Variants in NXF3 observed in about 807,000 individuals in gnomAD.
NXF3 encodes the protein TAP-like protein 3.
Under a neutral mutation model 48.4 loss-of-function variants are expected in NXF3, and 34 were observed. The observed-to-expected ratio is 0.70, with a 90% CI of 0.53 to 0.93. The LOEUF (loss-of-function observed/expected upper bound fraction) is 0.93, where lower values mean the gene tolerates loss of function less well. NXF3 is among the 40% of genes least tolerant of loss of function. The pLI is 0.00. For synonymous variants in NXF3, 132 were observed against 145.7 expected, an observed-to-expected ratio of 0.91 and a Z score of 0.68; for missense variants, 359 against 406.1, an observed-to-expected ratio of 0.88 and a Z score of 1.00.
At chrX:103,087,477 G>A (rs5945935) in intron 1 of NXF3, 318,077 of 1,037,117 alleles carry the variant, frequency 0.31, 38,222 homozygotes, top group Non-Finnish European at 0.35. Context: ...AAAATCTGAA[G>A]ACATTTGTGA....
chrX:103,085,920 A>AAAAAG (rs1922140355), intron 1 of NXF3, among the ~76,000 whole-genome samples: 2 of 103,784 alleles, frequency 1.9e-5, no homozygotes, highest in African/African-American at 3.6e-5. Context: ...AAAAAAAAAA[A>AAAAAG]AAAGAAAGAA....
In NXF3 at chrX:103,093,072, G is replaced by C; in HGVS notation, c.-49C>G. 1.2e-5 allele frequency: 14 copies of C among 1,125,309 alleles called. No individual in the cohort carries two copies. Among genetic ancestry groups the C allele is most frequent in the Non-Finnish European group, 1.6e-5 (13 of 819,123 alleles). 92.7% of individuals were successfully genotyped at this position (1,125,309 alleles called of 1,213,427 possible). A position where few individuals can be genotyped will look rare whatever the true frequency, so the allele number is the denominator to read the frequency against. ...CTCTTGAGGAGAATCTGTGTGGCCT[G>C]GGGACGGGAGTTTGGAGAAGATTGA... is the stretch of plus-strand genomic sequence containing the variant. On this transcript the variant is annotated 5_prime_UTR_variant, in exon 1 of 20. Coordinates refer to ENST00000395065, the MANE Select transcript of NXF3 (RefSeq NM_022052.2).
At chrX:103,082,682 G>T (rs1474451020) in intron 8 of NXF3, 78 bp downstream of exon 8, 15 of 827,534 alleles carry the variant, frequency 1.8e-5, no homozygotes, top group Non-Finnish European at 2.7e-5. Context: ...CCCAACAGGG[G>T]ATATCTTAGA....
At chrX:103,085,229 G>A (rs1922115885) in intron 1 of NXF3, among the ~76,000 whole-genome samples, 2 of 111,654 alleles carry the variant, frequency 1.8e-5, no homozygotes, top group South Asian at 7.6e-4. Context: ...AAAGTTGAAA[G>A]ACTTCACTGT....
chrX:103,087,495 A>C, intron 1 of NXF3: 1 of 1,015,439 alleles, frequency 9.8e-7, no homozygotes, highest in Non-Finnish European at 1.4e-6. Context: ...TGAAGCACCA[A>C]CAACTTCACA....
chrX:103,079,643 C>T lies in NXF3; in HGVS notation c.1161-1G>A, dbSNP rs1195103005. ...CTTGAAGAACTTGCAGAAGCTGCTC[C>T]TAGAAGAAAAAGAGGAGCAGGAGTG... On this transcript the variant is annotated splice_acceptor_variant, in intron 13 of 19. Coordinates refer to ENST00000395065, the MANE Select transcript of NXF3 (RefSeq NM_022052.2). LOFTEE classifies it high-confidence loss of function. The T allele has an allele frequency of 8.3e-7, 1 of 1,208,633 alleles. No individual in the cohort carries two copies. The highest frequency in any genetic ancestry group is 1.1e-6 in the Non-Finnish European group (1 of 894,200).
chrX:103,092,869 C>G (rs1388086278), intron 1 of NXF3, 127 bp downstream of exon 1: 1 of 693,139 alleles, frequency 1.4e-6, no homozygotes, highest in Non-Finnish European at 2.2e-6. Flanking sequence ...GGGCCCTTGC[C>G]ACTGCCCACC....
chrX:103,080,894 C>T (rs765564304), intron 9 of NXF3: 33 of 359,955 alleles, frequency 9.2e-5, no homozygotes, highest in Non-Finnish European at 1.3e-4. Flanking sequence ...ACTGGATGTC[C>T]GTCAGTCTGC....
intron 16 of NXF3, among the ~76,000 whole-genome samples, 184 bp downstream of exon 16, chrX:103,079,037 C>A (rs1921940866): frequency 8.9e-6 from 1 of 112,150 alleles, no homozygotes; most frequent in South Asian, 3.7e-4. Flanking sequence ...CTGTGCAGGG[C>A]AGACAGGCAT....
At chrX:103,082,476 C>A (rs1922040610) in intron 8 of NXF3, 112 bp from the exon 9 acceptor site, 1 of 509,296 alleles carries the variant, frequency 2.0e-6, no homozygotes, top group Non-Finnish European at 3.4e-6. Flanking sequence ...TTGTCACTAC[C>A]CTAATGAACC....
At chrX:103,082,683 A>T in intron 8 of NXF3, 77 bp downstream of exon 8, 1 of 834,853 alleles carries the variant, frequency 1.2e-6, no homozygotes, top group Non-Finnish European at 1.8e-6. Context: ...CCAACAGGGG[A>T]TATCTTAGAC....
In NXF3 at chrX:103,084,762, A is replaced by G; in HGVS notation, c.150T>C (p.Asp50=). 3 of 1,211,723 alleles carry G rather than the reference A, an allele frequency of 2.5e-6. No individual in the cohort carries two copies. Among genetic ancestry groups the G allele is most frequent in the Non-Finnish European group, 3.4e-6 (3 of 895,369 alleles). ...GMHSSSHQQQ[D]GDAAMHGAHM... ...GGGCACCATGCATTGCTGCATCTCC[A>G]TCTTGCTGCTGATGGGATGAAGAAT... Residue 50 remains aspartate (D), a synonymous_variant, in exon 2 of 20, where the codon GAT becomes GAC. Coordinates refer to ENST00000395065, the MANE Select transcript of NXF3 (RefSeq NM_022052.2).
intron 1 of NXF3, among the ~76,000 whole-genome samples, chrX:103,085,700 G>A (rs764051837): frequency 9.1e-6 from 1 of 110,104 alleles, no homozygotes; most frequent in Non-Finnish European, 1.9e-5. Context: ...TCAGGAGATG[G>A]AGACCATGCT....
At chrX:103,082,139 G>C in intron 9 of NXF3, 116 bp downstream of exon 9, 1 of 546,391 alleles carries the variant, frequency 1.8e-6, no homozygotes. Flanking sequence ...GGAGTGGGGC[G>C]AGGGGGAAGG....
At chrX:103,085,900 C>CAAAAAAAAA (rs56135590) in intron 1 of NXF3, among the ~76,000 whole-genome samples, 7 of 43,531 alleles carry the variant, frequency 1.6e-4, no homozygotes, top group African/African-American at 2.8e-4. Context: ...GAGACTCTGT[C>CAAAAAAAAA]AAAAAAAAAA....
chrX:103,076,052 T>C (rs1243952280), intron 19 of NXF3, 52 bp from the exon 20 acceptor site: 3 of 400,271 alleles, frequency 7.5e-6, no homozygotes, highest in Non-Finnish European at 1.3e-5. Context: ...TTATGACACT[T>C]AAGGATTTCC....
intron 17 of NXF3, among the ~76,000 whole-genome samples, chrX:103,078,160 A>G (rs1474673931): frequency 1.8e-5 from 2 of 111,760 alleles, no homozygotes; most frequent in Non-Finnish European, 3.8e-5. Flanking sequence ...TTTTCAATAC[A>G]GGGTCTCACT....
intron 1 of NXF3, among the ~76,000 whole-genome samples, chrX:103,086,615 A>G (rs899115682): frequency 9.1e-5 from 10 of 110,111 alleles, no homozygotes; most frequent in Non-Finnish European, 1.9e-4. Flanking sequence ...CTATATTTTC[A>G]TTAAAAGAAA....
In NXF3 at chrX:103,084,478, G is replaced by T. The variant is rs779763308; in HGVS notation, c.215C>A (p.Ser72Ter). The T allele has an allele frequency of 2.5e-6, 3 of 1,211,737 alleles. No homozygotes were observed. The highest frequency in any genetic ancestry group is 2.2e-6 in the Non-Finnish European group (2 of 895,425). ...SPVRYTPYTI[S>*]PYNRKGSFRK... Reference sequence around the variant, plus strand: ...AAAACTGCCTTTCCGATTATAGGGTGAAATAGTATAGGGAGTGCTGTGAGC... The same window carrying T: ...AAAACTGCCTTTCCGATTATAGGGTTAAATAGTATAGGGAGTGCTGTGAGC... The change falls in exon 3 of 20, where the codon TCA becomes TAA. Residue 72 changes from serine (S) to a stop codon, truncating the protein, a stop_gained. Transcript: ENST00000395065. LOFTEE classifies it high-confidence loss of function.
Sources: gnomAD v4.1 joint callset for allele counts (sites outside exome capture counted in the v4.1 genomes callset) on GRCh38, gnomAD v4.1.1 for gene constraint, MANE v1.5 for transcripts, NCBI Gene and HGNC (gene_info 2026-07-23, HGNC 2026-07-21) for gene names.